Variants in SORT1 observed in about 807,000 individuals in gnomAD.
SORT1 encodes the protein sortilin 1.
In SORT1, 39 loss-of-function variants were observed where a neutral mutation model predicts 101.7. The ratio of observed to expected loss-of-function variants is 0.38; its 90% CI spans 0.30 to 0.50. The LOEUF (loss-of-function observed/expected upper bound fraction) is 0.50. Among genes scored for constraint, SORT1 ranks in the 20% least tolerant of loss-of-function variants. The pLI, the probability that SORT1 is intolerant of heterozygous loss-of-function variation, is 0.90. For missense variants in SORT1, 878 were observed against 1,040.4 expected, an observed-to-expected ratio of 0.84 and a Z score of 2.15; for synonymous variants, 396 against 393.7, an observed-to-expected ratio of 1.01 and a Z score of -0.07.
In SORT1 at chr1:109,350,221, A is replaced by G. The variant is rs557421382; in HGVS notation, c.782+708T>C. 6.6e-5 allele frequency among the ~76,000 whole-genome samples: 10 copies of G among 152,336 alleles called. No homozygotes were observed. The East Asian group carries it at 1.2e-3, about 18-fold the overall frequency. Reference sequence around the variant, plus strand: ...GAAAGAGGCTCTAAACAACATTCTGAGCCTAATCAGATTTTGGAGGCATGA... The same window carrying G: ...GAAAGAGGCTCTAAACAACATTCTGGGCCTAATCAGATTTTGGAGGCATGA... On this transcript the variant is annotated intron_variant, in intron 6 of 19. Transcript: ENST00000256637.
At chr1:109,327,689 T>G (rs952334893) in intron 11 of SORT1, 88 bp from the exon 12 acceptor site, 9 of 827,112 alleles carry the variant, frequency 1.1e-5, no homozygotes, top group Middle Eastern at 2.4e-4. Context: ...CAATAAAGCT[T>G]TAAGTTAACC....
chr1:109,342,230 T>C (rs1351367270), intron 8 of SORT1, 72 bp from the exon 9 acceptor site: 8 of 1,160,228 alleles, frequency 6.9e-6, no homozygotes, highest in Admixed American at 2.1e-5. Context: ...TGAACAAGAA[T>C]GTTTTAAATA....
At chr1:109,377,034 A>G (rs932076471) in intron 1 of SORT1, among the ~76,000 whole-genome samples, 4 of 152,198 alleles carry the variant, frequency 2.6e-5, no homozygotes, top group African/African-American at 7.2e-5. Flanking sequence ...CCCATCTTTC[A>G]CTGTAAAACC....
chr1:109,327,584 A>G lies in SORT1; in HGVS notation c.1389T>C (p.His463=). The G allele has an allele frequency of 6.2e-7, 1 of 1,607,312 alleles. No homozygotes were observed. Among genetic ancestry groups the G allele is most frequent in the Non-Finnish European group, 8.5e-7 (1 of 1,176,674 alleles). Residue 463 remains histidine (H), a synonymous_variant, in exon 12 of 20, where the codon CAT becomes CAC. Coordinates refer to ENST00000256637, the MANE Select transcript of SORT1 (RefSeq NM_002959.7). ...GTTTCTGGGAGATGCTGTAGGAAGC[A>G]TGAATATGAAGGCTGCACTGTGAAA... ...KNKNECSLHI[H]ASYSISQKLN...
intron 13 of SORT1, among the ~76,000 whole-genome samples, chr1:109,326,495 A>C (rs1648063340): frequency 1.6e-5 from 1 of 63,094 alleles, no homozygotes; most frequent in Admixed American, 2.3e-4. Flanking sequence ...ATATATATAC[A>C]CACATATATA....
intron 13 of SORT1, among the ~76,000 whole-genome samples, chr1:109,326,195 G>A (rs1648007266): frequency 6.8e-6 from 1 of 146,866 alleles, no homozygotes; most frequent in African/African-American, 2.5e-5. Flanking sequence ...CCAAAGGCGT[G>A]CACCACCACG....
intron 8 of SORT1, 44 bp downstream of exon 8, chr1:109,345,707 T>C: frequency 3.8e-6 from 6 of 1,558,852 alleles, no homozygotes; most frequent in East Asian, 2.2e-5. Context: ...ACGAGAGATA[T>C]TTGCAGAAAT....
At chr1:109,330,096 G>T (rs941803991) in intron 11 of SORT1, among the ~76,000 whole-genome samples, 5 of 152,118 alleles carry the variant, frequency 3.3e-5, no homozygotes, top group African/African-American at 1.2e-4. Context: ...CCGCCTCCCG[G>T]GTTCAAACAA....
intron 15 of SORT1, among the ~76,000 whole-genome samples, chr1:109,318,931 C>G (rs1188522567): frequency 6.6e-6 from 1 of 152,162 alleles, no homozygotes; most frequent in African/African-American, 2.4e-5. Flanking sequence ...AGGCGTGAAC[C>G]ACTGTGCCTT....
rs1313633432 is a variant in SORT1, at chr1:109,314,330, C to T, written c.2412G>A (p.Val804=). Reference sequence around the variant, plus strand: ...CTGTGTCCAAAGCATCCACACCATCCACACCATTGGCCTCTGCATGCTGCT... The same window carrying T: ...CTGTGTCCAAAGCATCCACACCATCTACACCATTGGCCTCTGCATGCTGCT... The part of the protein sequence containing the change: ...VLQQHAEANG[V]DGVDALDTAS... Residue 804 remains valine, a synonymous_variant, in exon 19 of 20, where the codon GTG becomes GTA. Transcript: ENST00000256637. The T allele has an allele frequency of 6.2e-7, 1 of 1,613,990 alleles. No individual in the cohort carries two copies. Among genetic ancestry groups the T allele is most frequent in the Admixed American group, 1.7e-5 (1 of 60,014 alleles).
chr1:109,397,786 CG>C lies in SORT1; in HGVS notation c.106del (p.Arg36GlyfsTer21). 8.1e-7 allele frequency: 1 copy of C among 1,238,958 alleles called. No individual in the cohort carries two copies. The highest frequency in any genetic ancestry group is 2.2e-5 in the South Asian group (1 of 44,686). 76.7% of individuals were successfully genotyped at this position (1,238,958 alleles called of 1,614,324 possible). ...LLPPSTLSQD[R>X]LDAPPPPAAP... ...AGCGGGCGGCGGCGGCGCGTCCAGC[CG>C]GTCCTGGCTGAGGGTCGACGGCGGC... On this transcript the variant is annotated frameshift_variant, in exon 1 of 20. Coordinates refer to ENST00000256637, the MANE Select transcript of SORT1 (RefSeq NM_002959.7). LOFTEE classifies it high-confidence loss of function.
chr1:109,338,301 G>A (rs1648975706), intron 10 of SORT1, among the ~76,000 whole-genome samples: 1 of 152,168 alleles, frequency 6.6e-6, no homozygotes, highest in African/African-American at 2.4e-5. Flanking sequence ...TGGACAGTAT[G>A]ATGAGAGTAG....
chr1:109,323,790 G>A (rs911289596), intron 14 of SORT1, among the ~76,000 whole-genome samples: 7 of 152,210 alleles, frequency 4.6e-5, no homozygotes, highest in African/African-American at 1.4e-4. Flanking sequence ...TAAAGAGCAG[G>A]TGCTTAACAA....
At chr1:109,338,304 G>T (rs1358414944) in intron 10 of SORT1, among the ~76,000 whole-genome samples, 3 of 152,202 alleles carry the variant, frequency 2.0e-5, no homozygotes, top group African/African-American at 7.2e-5. Flanking sequence ...ACAGTATGAT[G>T]AGAGTAGGGC....
At chr1:109,342,227 G>T (rs947710885) in intron 8 of SORT1, 69 bp from the exon 9 acceptor site, 2 of 1,214,936 alleles carry the variant, frequency 1.6e-6, no homozygotes, top group Non-Finnish European at 2.4e-6. Context: ...ACATGAACAA[G>T]AATGTTTTAA....
intron 1 of SORT1, among the ~76,000 whole-genome samples, chr1:109,395,434 T>C (rs1653137117): frequency 6.6e-6 from 1 of 151,986 alleles, no homozygotes; most frequent in Admixed American, 6.5e-5. Flanking sequence ...TTGGCCAGGC[T>C]AGTCTTGAAC....
rs374853209 is a variant in SORT1, at chr1:109,342,024, A to G, written c.1098T>C (p.Asp366=). 5.8e-5 allele frequency: 94 copies of G among 1,613,698 alleles called. No homozygotes were observed. In the African/African-American group the frequency reaches 1.1e-3, roughly 19 times the overall value. ...CTAAAAAGCTCTTACCTCCAGGTTC[A>G]TCTACATGCATGAATACCATGTCAT... The part of the protein sequence containing the change: ...ANDDMVFMHV[D]EPGDTGFGTI... Residue 366 remains aspartate, a synonymous_variant, in exon 9 of 20, where the codon GAT becomes GAC. Coordinates refer to ENST00000256637, the MANE Select transcript of SORT1 (RefSeq NM_002959.7).
At chr1:109,323,754 G>T (rs1405827651) in intron 14 of SORT1, among the ~76,000 whole-genome samples, 29 of 152,194 alleles carry the variant, frequency 1.9e-4, no homozygotes, top group Admixed American at 1.9e-3. Context: ...TATCCTTTGG[G>T]ATATGAAGAC....
chr1:109,388,313 C>T (rs927188342), intron 1 of SORT1, among the ~76,000 whole-genome samples: 27 of 152,264 alleles, frequency 1.8e-4, no homozygotes, highest in African/African-American at 5.3e-4. Flanking sequence ...TCATAGCTCA[C>T]GACAGCCTCA....
Sources: gnomAD v4.1 joint callset for allele counts (sites outside exome capture counted in the v4.1 genomes callset) on GRCh38, gnomAD v4.1.1 for gene constraint, MANE v1.5 for transcripts, NCBI Gene and HGNC (gene_info 2026-07-23, HGNC 2026-07-21) for gene names.